AGAP5: variants seen among roughly 807,000 people sequenced by gnomAD.
The protein encoded by AGAP5 is ArfGAP with GTPase domain, ankyrin repeat and PH domain 5.
In AGAP5, 8 loss-of-function variants were observed where a neutral mutation model predicts 27.7. That is an observed-to-expected ratio of 0.29 (90% CI 0.17 to 0.52). AGAP5 has a LOEUF of 0.52. Ranked by LOEUF, AGAP5 falls within the 20% of genes least tolerant of loss-of-function variation. The pLI is 0.97. For missense variants in AGAP5, 285 were observed against 880.8 expected, an observed-to-expected ratio of 0.32 and a Z score of 8.56; for synonymous variants, 111 against 338.0, an observed-to-expected ratio of 0.33 and a Z score of 7.37.
At chr10:73,690,599 GATCA>G (rs943464634) in intron 4 of AGAP5, among the ~76,000 whole-genome samples, 1 of 113,062 alleles carries the variant, frequency 8.8e-6, no homozygotes, top group African/African-American at 3.5e-5. Context: ...ACCCAAGAAT[GATCA>G]ATTAAAAAAA....
chr10:73,698,063 G>A lies in AGAP5; in HGVS notation c.-308C>T. On this transcript the variant is annotated 5_prime_UTR_variant, in exon 1 of 8. Transcript: ENST00000374094. ...CTGAGAGACACAACAACTGCCTGAAGAGAGAACAGACGGAGCTCCTCCTCC... is the reference window on the plus strand; with the variant it reads ...CTGAGAGACACAACAACTGCCTGAAAAGAGAACAGACGGAGCTCCTCCTCC... 7.4e-7 allele frequency: 1 copy of A among 1,353,934 alleles called. No homozygotes were observed. Among genetic ancestry groups the A allele is most frequent in the South Asian group, 1.5e-5 (1 of 66,506 alleles). 83.9% of individuals were successfully genotyped at this position (1,353,934 alleles called of 1,614,324 possible).
chr10:73,692,109 G>A (rs2082124718), intron 3 of AGAP5, 32 bp from the exon 4 acceptor site: 1 of 1,506,916 alleles, frequency 6.6e-7, no homozygotes. Flanking sequence ...GGTCACTTCT[G>A]ATACAAATAC....
At chr10:73,678,910 A>G (rs1365447683) in intron 6 of AGAP5, among the ~76,000 whole-genome samples, 2 of 151,206 alleles carry the variant, frequency 1.3e-5, no homozygotes, top group Non-Finnish European at 2.9e-5. Flanking sequence ...CTGGGGTGCA[A>G]TGGCGAGATC....
chr10:73,689,955 C>T lies in AGAP5; in HGVS notation c.396+2088G>A, dbSNP rs571574640. On this transcript the variant is annotated intron_variant, in intron 4 of 7. Transcript: ENST00000374094. ...ACTGGGAAGTGAGGAGCCCCTCTGC[C>T]CGGCCAGCCGCCCCGTCTGGGAGGG... Among the ~76,000 whole-genome samples the T allele has an allele frequency of 4.5e-3, 679 of 152,026 alleles. 3 individuals carry two copies. The highest frequency in any genetic ancestry group is 0.013 in the South Asian group (62 of 4,816).
chr10:73,675,343 C>G lies in AGAP5; in HGVS notation c.1317G>C (p.Gln439His). 1 of 1,613,840 alleles carries G rather than the reference C, an allele frequency of 6.2e-7. No individual in the cohort carries two copies. Residue 439 changes from glutamine to histidine, a missense_variant, in exon 8 of 8, where the codon CAG becomes CAC. Physicochemically the swap from Gln to His is conservative, Grantham distance 24 (BLOSUM62 0). Transcript: ENST00000374094. ...EERDAWVQAI[Q>H]SQILASLQSC... is the part of the protein sequence containing the mutation. ...ACTGCAGGCTGGCCAGGATCTGGCT[C>G]TGGATGGCTTGGACCCAGGCATCCC...
At chr10:73,691,792 T>G (rs2082121430) in intron 4 of AGAP5, among the ~76,000 whole-genome samples, 2 of 152,128 alleles carry the variant, frequency 1.3e-5, no homozygotes, top group South Asian at 4.1e-4. Context: ...ATGCCCAGCC[T>G]TAAGGCAGAT....
intron 4 of AGAP5, among the ~76,000 whole-genome samples, chr10:73,687,554 T>G (rs540903150): frequency 6.6e-6 from 1 of 152,226 alleles, no homozygotes; most frequent in Admixed American, 6.5e-5. Flanking sequence ...TGTTGTGAAG[T>G]AATGGGAAGT....
intron 4 of AGAP5, among the ~76,000 whole-genome samples, chr10:73,687,858 A>G (rs970203145): frequency 6.6e-6 from 1 of 152,244 alleles, no homozygotes; most frequent in African/African-American, 2.4e-5. Flanking sequence ...GCTGAGACAT[A>G]AAAGTAGATA....
At chr10:73,689,506 C>T (rs1361203784) in intron 4 of AGAP5, among the ~76,000 whole-genome samples, 4 of 148,070 alleles carry the variant, frequency 2.7e-5, no homozygotes, top group Admixed American at 6.8e-5. Context: ...AAGTGAGGAG[C>T]GTCTCTGCCC....
Position 73,697,472 on chromosome 10 carries a change from C to T in AGAP5, c.223+61G>A. 9 of 1,604,266 alleles carry T rather than the reference C, an allele frequency of 5.6e-6. No individual in the cohort carries two copies. The Admixed American group carries it at 8.3e-5, about 15-fold the overall frequency. ...AAAGTGGGGGATGCCGTAAAGGGAA[C>T]CTTGGGGACAGCAGCAGCCAGAGGC... is the stretch of plus-strand genomic sequence containing the variant. On this transcript the variant is annotated intron_variant, in intron 1 of 7. Transcript: ENST00000374094.
At chr10:73,686,003 T>C (rs1303441831) in intron 4 of AGAP5, among the ~76,000 whole-genome samples, 1 of 152,114 alleles carries the variant, frequency 6.6e-6, no homozygotes, top group Non-Finnish European at 1.5e-5. Context: ...ATAAATTCAA[T>C]GCAACTCCCA....
intron 2 of AGAP5, among the ~76,000 whole-genome samples, chr10:73,695,962 C>T (rs1273877359): frequency 1.3e-5 from 2 of 152,162 alleles, no homozygotes; most frequent in Non-Finnish European, 2.9e-5. Context: ...CTACCAGCTC[C>T]CATCCCCTGC....
intron 3 of AGAP5, among the ~76,000 whole-genome samples, chr10:73,692,790 G>A (rs2082130484): frequency 6.6e-6 from 1 of 151,768 alleles, no homozygotes; most frequent in Non-Finnish European, 1.5e-5. Context: ...CTACAGGCAC[G>A]TGCCACCATG....
At position 73,692,022 on chromosome 10, in the gene AGAP5, A is replaced by C. The variant is rs768912707; in HGVS notation, c.396+21T>G. On this transcript the variant is annotated intron_variant, in intron 4 of 7. Coordinates refer to ENST00000374094, the MANE Select transcript of AGAP5 (RefSeq NM_001144000.4). ...TTTATGTCAAACTATCAATTTCTTA[A>C]CTATTTGAGTGTTTACTTACATGGT... 14 of 1,447,990 alleles carry C rather than the reference A, an allele frequency of 9.7e-6. No individual in the cohort carries two copies. In the East Asian group the frequency reaches 3.3e-4, roughly 34 times the overall value. 89.7% of individuals were successfully genotyped at this position (1,447,990 alleles called of 1,614,324 possible).
Position 73,698,065 on chromosome 10 carries a change from G to A in AGAP5, c.-310C>T. On this transcript the variant is annotated 5_prime_UTR_variant, in exon 1 of 8. Transcript: ENST00000374094. ...GAGAGACACAACAACTGCCTGAAGA[G>A]AGAACAGACGGAGCTCCTCCTCCTT... 7.4e-7 allele frequency: 1 copy of A among 1,347,274 alleles called. No homozygotes were observed. 83.5% of individuals were successfully genotyped at this position (1,347,274 alleles called of 1,614,324 possible).
chr10:73,687,801 C>T (rs565388821), intron 4 of AGAP5, among the ~76,000 whole-genome samples: 1 of 152,254 alleles, frequency 6.6e-6, no homozygotes, highest in Non-Finnish European at 1.5e-5. Context: ...ATAAAGGTTA[C>T]ACCCATGACC....
Position 73,679,203 on chromosome 10 carries a change from C to T in AGAP5, c.533+868G>A, listed in dbSNP as rs1230854202. ...GTTTAGACAGAGTCTTGCTCTGTCA[C>T]CCAGGCTGCAGTGCAATGGCACAAT... On this transcript the variant is annotated intron_variant, in intron 6 of 7. Transcript: ENST00000374094. Among the ~76,000 whole-genome samples, 41 of 151,702 alleles carry T rather than the reference C, an allele frequency of 2.7e-4. No individual in the cohort carries two copies. The South Asian group carries it at 4.6e-3, about 17-fold the overall frequency.
intron 3 of AGAP5, among the ~76,000 whole-genome samples, chr10:73,692,809 A>AT (rs1004491908): frequency 1.1e-4 from 17 of 150,376 alleles, no homozygotes; most frequent in East Asian, 3.9e-4. Context: ...TGCCTAGCTA[A>AT]TTTTTTTTTG....
chr10:73,686,111 A>G (rs1340022763), intron 4 of AGAP5, among the ~76,000 whole-genome samples: 1 of 152,260 alleles, frequency 6.6e-6, no homozygotes, highest in East Asian at 1.9e-4. Context: ...AAAACTAAGC[A>G]AAAACAACAA....
Sources: allele counts gnomAD v4.1 joint callset (sites outside exome capture counted in the v4.1 genomes callset), GRCh38; gene constraint gnomAD v4.1.1; transcripts MANE v1.5; gene names NCBI Gene and HGNC (gene_info 2026-07-23, HGNC 2026-07-21).